NCOA6: variants seen among roughly 807,000 people sequenced by gnomAD.
The protein encoded by NCOA6 is nuclear receptor coactivator 6, also known as NRC RAP250.
A neutral mutation model predicts 171.4 loss-of-function variants in NCOA6; 49 were observed. The observed-to-expected ratio is 0.29, with a 90% CI of 0.23 to 0.36. NCOA6 has a LOEUF of 0.36. Ranked by LOEUF, NCOA6 falls within the 10% of genes least tolerant of loss-of-function variation. The pLI is 1.00. For missense variants in NCOA6, 2,248 were observed against 2,554.5 expected (o/e 0.88, Z 2.59); for synonymous variants, 910 against 927.5 (o/e 0.98, Z 0.34).
Position 34,758,789 on chromosome 20 carries a change from G to C in NCOA6, c.643+16C>G, listed in dbSNP as rs777584599. On this transcript the variant is annotated intron_variant, in intron 6 of 14. Coordinates refer to ENST00000359003, the MANE Select transcript of NCOA6 (RefSeq NM_014071.5). ...AAGTTTCAGACTCTTCATCCTCAAA[G>C]ATTGGAAGTCATTACCTGACTGAGA... The C allele has an allele frequency of 2.5e-6, 4 of 1,611,566 alleles. No homozygotes were observed. Among genetic ancestry groups the C allele is most frequent in the Non-Finnish European group, 3.4e-6 (4 of 1,179,288 alleles).
chr20:34,740,524 G>A lies in NCOA6; in HGVS notation c.5732C>T (p.Pro1911Leu). ...GGTTACTATCGAGCGTACACTGGTG[G>A]GGAGAGCACCGCCAGGTAAGCTGGG... ...AGPSLPGGAL[P>L]TSVRSIVTTL... Residue 1911 changes from proline (P) to leucine (L), a missense_variant, in exon 11 of 15, where the codon CCC (proline) becomes CTC (leucine). By Grantham distance (98) the Pro-to-Leu change is moderately conservative. This residue lies in a region of NCOA6 where 884 missense variants were observed against 941.9 expected (regional missense o/e 0.94). Coordinates refer to ENST00000359003, the MANE Select transcript of NCOA6 (RefSeq NM_014071.5). The A allele has an allele frequency of 1.2e-6, 2 of 1,614,200 alleles. No individual in the cohort carries two copies. The highest frequency in any genetic ancestry group is 1.7e-6 in the Non-Finnish European group (2 of 1,180,034).
chr20:34,785,908 AAGTC>A (rs2077663808), intron 2 of NCOA6, among the ~76,000 whole-genome samples: 1 of 151,954 alleles, frequency 6.6e-6, no homozygotes, highest in African/African-American at 2.4e-5. Context: ...GAGAAATTGA[AAGTC>A]AGTCTATGAA....
rs150919437 is a variant in NCOA6, at chr20:34,782,319, A to G, written c.37T>C (p.Tyr13His). 12 of 1,610,596 alleles carry G rather than the reference A, an allele frequency of 7.5e-6. 1 individual carries two copies. Among genetic ancestry groups the G allele is most frequent in the Middle Eastern group, 3.4e-4 (2 of 5,968 alleles). ...ATTGTTGATGAACACAAGGAAGTAT[A>G]GATGTCTTCTAAGTTTGGAAGGTCA... The part of the protein sequence containing the change: ...LDDLPNLEDI[Y>H]TSLCSSTMED... The change falls in exon 3 of 15, where the codon TAT becomes CAT. Residue 13 changes from tyrosine (Y) to histidine (H), a missense_variant. By Grantham distance (83) the Tyr-to-His change is moderately conservative. Transcript: ENST00000359003.
chr20:34,818,769 G>C (rs1298765413), intron 1 of NCOA6, among the ~76,000 whole-genome samples: 1 of 152,154 alleles, frequency 6.6e-6, no homozygotes, highest in Non-Finnish European at 1.5e-5. Context: ...ATTCATCTTG[G>C]TATCTTGCAG....
chr20:34,727,403 C>G lies in NCOA6; in HGVS notation c.6004G>C (p.Glu2002Gln). ...GACTTTTCAACTATCTCTTTGGGCT[C>G]ACTGCTGACAGAGGGAAGCAAAAAG... ...NAAIVSGQSS[E>Q]PKEIVEKSKI... Residue 2002 changes from glutamate (E) to glutamine (Q), a missense_variant, in exon 14 of 15, where the codon GAG becomes CAG. By Grantham distance (29) the Glu-to-Gln change is conservative. Coordinates refer to ENST00000359003, the MANE Select transcript of NCOA6 (RefSeq NM_014071.5). The G allele has an allele frequency of 6.2e-7, 1 of 1,613,506 alleles. No individual in the cohort carries two copies. The highest frequency in any genetic ancestry group is 8.5e-7 in the Non-Finnish European group (1 of 1,180,020).
chr20:34,789,619 A>C (rs767019946), intron 2 of NCOA6, among the ~76,000 whole-genome samples: 29 of 152,238 alleles, frequency 1.9e-4, no homozygotes, highest in Non-Finnish European at 4.1e-4. Context: ...CAGAAAATAC[A>C]AATATTAGCT....
At chr20:34,770,733 G>A (rs746727294) in intron 4 of NCOA6, among the ~76,000 whole-genome samples, 10 of 151,648 alleles carry the variant, frequency 6.6e-5, no homozygotes, top group African/African-American at 9.7e-5. Context: ...GGGTTCAAGC[G>A]ATTCTCCTAC....
At chr20:34,758,701 G>T (rs2076726111) in intron 6 of NCOA6, 104 bp downstream of exon 6, 2 of 1,430,860 alleles carry the variant, frequency 1.4e-6, no homozygotes, top group South Asian at 1.2e-5. Context: ...GGTTGACATT[G>T]TGAGTTTGGA....
rs1330677872 is a variant in NCOA6, at chr20:34,741,002, G to A, written c.5254C>T (p.Pro1752Ser). The A allele has an allele frequency of 6.2e-7, 1 of 1,614,078 alleles. No homozygotes were observed. The highest frequency in any genetic ancestry group is 1.1e-5 in the South Asian group (1 of 91,090). ...ACAGGGGGATGAGAAGGGACAACTGGAGAAGACGTACAAGGAGGGGAAGGA... is the reference window on the plus strand; with the variant it reads ...ACAGGGGGATGAGAAGGGACAACTGAAGAAGACGTACAAGGAGGGGAAGGA... ...QLPSPPCTSS[P>S]VVPSHPPVQQ... Residue 1752 changes from proline (P) to serine (S), a missense_variant, in exon 11 of 15, where the codon CCA becomes TCA. By Grantham distance (74) the Pro-to-Ser change is moderately conservative. Around this residue, in one of 7 missense-constraint regions of NCOA6, gnomAD observed 884 missense variants for 941.9 expected, o/e 0.94. Coordinates refer to ENST00000359003, the MANE Select transcript of NCOA6 (RefSeq NM_014071.5).
chr20:34,774,804 G>C, intron 4 of NCOA6, among the ~76,000 whole-genome samples: 1 of 152,166 alleles, frequency 6.6e-6, no homozygotes, highest in Admixed American at 6.5e-5. Flanking sequence ...AAGCTCTTCC[G>C]AGTTTATAAC....
intron 1 of NCOA6, among the ~76,000 whole-genome samples, chr20:34,823,920 G>A (rs1007255764): frequency 2.6e-5 from 4 of 152,130 alleles, no homozygotes; most frequent in African/African-American, 9.7e-5. Flanking sequence ...CTGGGCTCAA[G>A]AAATCCTCCC....
intron 2 of NCOA6, among the ~76,000 whole-genome samples, chr20:34,785,107 A>C (rs1367061004): frequency 6.6e-6 from 1 of 152,068 alleles, no homozygotes; most frequent in African/African-American, 2.4e-5. Flanking sequence ...AAATAAAATA[A>C]AAAAATTACT....
Position 34,742,465 on chromosome 20 carries a change from G to C in NCOA6, c.3791C>G (p.Pro1264Arg), listed in dbSNP as rs1211011087. ...TTGATCAAAGCCCCTGTTTAAATTT[G>C]GCCTAGGAGGTAAAGGAATATTAAT... Reference protein sequence around the residue: ...PQINIPLPPRPNLNRGFDQQG... With the variant: ...PQINIPLPPRRNLNRGFDQQG... The change falls in exon 11 of 15, where the codon CCA (proline) becomes CGA (arginine). Residue 1264 changes from proline to arginine, a missense_variant. Coordinates refer to ENST00000359003, the MANE Select transcript of NCOA6 (RefSeq NM_014071.5). 1 of 1,614,036 alleles carries C rather than the reference G, an allele frequency of 6.2e-7. No individual in the cohort carries two copies. Among genetic ancestry groups the C allele is most frequent in the Non-Finnish European group, 8.5e-7 (1 of 1,180,028 alleles).
intron 11 of NCOA6, 79 bp downstream of exon 11, chr20:34,740,284 A>G (rs1295323362): frequency 4.6e-6 from 7 of 1,507,360 alleles, no homozygotes; most frequent in Non-Finnish European, 6.2e-6. Context: ...TCCAAGTAAA[A>G]AAGGAGTCAT....
chr20:34,716,347 C>T (rs933462316), intron 14 of NCOA6, among the ~76,000 whole-genome samples: 3 of 152,084 alleles, frequency 2.0e-5, no homozygotes, highest in African/African-American at 4.8e-5. Context: ...GTGATTTACA[C>T]ACAGAATGAC....
At chr20:34,776,574 A>G in intron 3 of NCOA6, 126 bp from the exon 4 acceptor site, 2 of 1,115,426 alleles carry the variant, frequency 1.8e-6, no homozygotes, top group Non-Finnish European at 2.6e-6. Flanking sequence ...CTAACAGAGC[A>G]TATGCTTTGG....
chr20:34,750,616 C>T, intron 8 of NCOA6, 97 bp from the exon 9 acceptor site: 1 of 1,283,590 alleles, frequency 7.8e-7, no homozygotes, highest in East Asian at 2.5e-5. Flanking sequence ...ACATCCATCA[C>T]CCTTATATCC....
At chr20:34,778,334 G>A (rs1050641621) in intron 3 of NCOA6, among the ~76,000 whole-genome samples, 1 of 152,160 alleles carries the variant, frequency 6.6e-6, no homozygotes, top group Non-Finnish European at 1.5e-5. Flanking sequence ...AAGTAGAGTA[G>A]TCCAAAATCA....
At chr20:34,785,298 G>A (rs1394720824) in intron 2 of NCOA6, among the ~76,000 whole-genome samples, 1 of 151,756 alleles carries the variant, frequency 6.6e-6, no homozygotes, top group African/African-American at 2.4e-5. Context: ...ACTGATTTGG[G>A]TGGTTAAGAA....
Sources: gnomAD v4.1 joint callset for allele counts (sites outside exome capture counted in the v4.1 genomes callset) on GRCh38, gnomAD v4.1.1 for gene constraint, gnomAD v4.1.1 regional missense constraint, MANE v1.5 for transcripts, NCBI Gene and HGNC (gene_info 2026-07-23, HGNC 2026-07-21) for gene names.